The following KCNQ5 variants were observed in gnomAD, a reference collection of about 807,000 sequenced individuals.
KCNQ5 encodes potassium voltage-gated channel subfamily Q member 5.
Under a neutral mutation model 98.2 loss-of-function variants are expected in KCNQ5, and 30 were observed. The observed-to-expected ratio is 0.31, with a 90% CI of 0.23 to 0.41. KCNQ5 has a LOEUF of 0.41. Among genes scored for constraint, KCNQ5 ranks in the 10% least tolerant of loss-of-function variants. KCNQ5 has a pLI of 1.00. For missense variants in KCNQ5, 835 were observed against 1,182.5 expected (o/e 0.71, Z 4.31); for synonymous variants, 458 against 449.4 (o/e 1.02, Z -0.24).
chr6:73,139,480 TA>T (rs1776618552), intron 10 of KCNQ5, among the ~76,000 whole-genome samples: 1 of 152,172 alleles, frequency 6.6e-6, no homozygotes, highest in Admixed American at 6.5e-5. Flanking sequence ...GGGGTGAGGG[TA>T]AGGAGTCAGC....
intron 1 of KCNQ5, among the ~76,000 whole-genome samples, chr6:72,820,163 A>T (rs1234261252): frequency 1.3e-5 from 2 of 152,222 alleles, no homozygotes; most frequent in Non-Finnish European, 2.9e-5. Flanking sequence ...GACATATGTC[A>T]GCTTCTCTTG....
intron 11 of KCNQ5, among the ~76,000 whole-genome samples, chr6:73,172,429 C>T (rs1425826545): frequency 6.6e-6 from 1 of 152,140 alleles, no homozygotes; most frequent in East Asian, 1.9e-4. Context: ...CTAATAGATA[C>T]ACTCAATAGC....
At chr6:73,179,587 AAATT>A (rs1778333617) in intron 11 of KCNQ5, among the ~76,000 whole-genome samples, 1 of 152,198 alleles carries the variant, frequency 6.6e-6, no homozygotes, top group African/African-American at 2.4e-5. Context: ...TCGGTAGTGT[AAATT>A]AACCCAAATA....
chr6:72,895,280 C>A (rs1177341257), intron 1 of KCNQ5, among the ~76,000 whole-genome samples: 1 of 148,566 alleles, frequency 6.7e-6, no homozygotes, highest in South Asian at 2.1e-4. Context: ...CAGAGCGAGA[C>A]TCGGTCTCAA....
intron 1 of KCNQ5, among the ~76,000 whole-genome samples, chr6:72,768,683 C>T (rs748643395): frequency 2.0e-5 from 3 of 151,782 alleles, no homozygotes; most frequent in Non-Finnish European, 4.4e-5. Context: ...ATAAGTGGCC[C>T]CAGTTATCAT....
chr6:72,915,666 T>C (rs1409266323), intron 1 of KCNQ5, among the ~76,000 whole-genome samples: 2 of 152,132 alleles, frequency 1.3e-5, no homozygotes, highest in Non-Finnish European at 2.9e-5. Flanking sequence ...GTGTCATGTG[T>C]GCCTCACCTG....
At chr6:72,808,843 G>T (rs1171074280) in intron 1 of KCNQ5, among the ~76,000 whole-genome samples, 4 of 151,916 alleles carry the variant, frequency 2.6e-5, no homozygotes, top group Non-Finnish European at 5.9e-5. Flanking sequence ...TGATTCCTCA[G>T]GGATCTAGAA....
At chr6:73,108,555 G>C (rs1775096796) in intron 6 of KCNQ5, among the ~76,000 whole-genome samples, 1 of 152,166 alleles carries the variant, frequency 6.6e-6, no homozygotes, top group Admixed American at 6.5e-5. Flanking sequence ...TGCTGGGCGT[G>C]GTGATTCACG....
chr6:73,124,013 C>G (rs1775849379), intron 8 of KCNQ5, among the ~76,000 whole-genome samples: 1 of 152,050 alleles, frequency 6.6e-6, no homozygotes, highest in Non-Finnish European at 1.5e-5. Context: ...CTTATTTACT[C>G]CAAGGAAATT....
chr6:73,178,015 A>C (rs1212165293), intron 11 of KCNQ5, among the ~76,000 whole-genome samples: 1 of 152,220 alleles, frequency 6.6e-6, no homozygotes, highest in Non-Finnish European at 1.5e-5. Context: ...TATTTGCTAA[A>C]AATATAGAAT....
At chr6:72,635,621 C>T (rs1300099439) in intron 1 of KCNQ5, among the ~76,000 whole-genome samples, 2 of 151,078 alleles carry the variant, frequency 1.3e-5, no homozygotes, top group African/African-American at 4.9e-5. Flanking sequence ...TCTTACTTTC[C>T]CTTTCCCCTT....
At chr6:73,098,268 C>A (rs1774605772) in intron 5 of KCNQ5, among the ~76,000 whole-genome samples, 1 of 151,830 alleles carries the variant, frequency 6.6e-6, no homozygotes, top group Admixed American at 6.6e-5. Flanking sequence ...GAAGGAAATG[C>A]CCAAAATATC....
intron 1 of KCNQ5, among the ~76,000 whole-genome samples, chr6:72,914,186 G>A (rs1353780135): frequency 1.3e-5 from 2 of 152,104 alleles, no homozygotes; most frequent in Non-Finnish European, 2.9e-5. Flanking sequence ...GAAGGTCAGA[G>A]GCTTGGATTT....
chr6:73,178,295 T>G, intron 11 of KCNQ5, among the ~76,000 whole-genome samples: 1 of 151,480 alleles, frequency 6.6e-6, no homozygotes, highest in Non-Finnish European at 1.5e-5. Context: ...CCAACAAAAA[T>G]CTACAGGAGG....
intron 6 of KCNQ5, among the ~76,000 whole-genome samples, chr6:73,106,174 T>C (rs934946685): frequency 6.6e-6 from 1 of 152,082 alleles, no homozygotes; most frequent in African/African-American, 2.4e-5. Context: ...CCAGAGCACC[T>C]CTCCAAAGCT....
At chr6:72,809,377 A>G (rs1775123478) in intron 1 of KCNQ5, among the ~76,000 whole-genome samples, 1 of 151,888 alleles carries the variant, frequency 6.6e-6, no homozygotes, top group African/African-American at 2.4e-5. Context: ...ATGTACCCTA[A>G]AACTTAAAGT....
chr6:72,723,413 T>C (rs1037136693), intron 1 of KCNQ5, among the ~76,000 whole-genome samples: 6 of 152,196 alleles, frequency 3.9e-5, no homozygotes, highest in Admixed American at 2.0e-4. Flanking sequence ...CTATGAATCT[T>C]GATATACCTG....
At chr6:73,001,484 T>C (rs1020239206) in intron 1 of KCNQ5, among the ~76,000 whole-genome samples, 6 of 152,188 alleles carry the variant, frequency 3.9e-5, no homozygotes, top group African/African-American at 1.4e-4. Context: ...CAATAAGATG[T>C]GTTTCGAGCA....
chr6:73,032,250 C>A (rs1205904375), intron 2 of KCNQ5, among the ~76,000 whole-genome samples: 1 of 152,152 alleles, frequency 6.6e-6, no homozygotes, highest in Non-Finnish European at 1.5e-5. Flanking sequence ...TCACTGCAAC[C>A]TCCACCTCCC....
Sources: allele counts gnomAD v4.1 joint callset (sites outside exome capture counted in the v4.1 genomes callset), GRCh38; gene constraint gnomAD v4.1.1; transcripts MANE v1.5; gene names NCBI Gene and HGNC (gene_info 2026-07-23, HGNC 2026-07-21).